Variants in ATG2A observed in about 807,000 individuals in gnomAD.
The protein encoded by ATG2A is autophagy-related protein 2 homolog A.
ATG2A carries 103 observed loss-of-function variants against 214.2 expected under a neutral mutation model. The observed-to-expected ratio is 0.48, with a 90% CI of 0.41 to 0.57. The LOEUF is 0.57. Ranked by LOEUF, ATG2A falls within the 20% of genes least tolerant of loss-of-function variation. The pLI, the probability that ATG2A is intolerant of heterozygous loss-of-function variation, is 0.00. For synonymous variants in ATG2A, 1,160 were observed against 1,142.1 expected (o/e 1.02, Z -0.32); for missense variants, 2,312 against 2,613.2 (o/e 0.88, Z 2.51).
In ATG2A at chr11:64,894,631, T is replaced by G. The variant is rs748196442; in HGVS notation, c.*342A>C. ...AAAATAATACATCGAACCACACGGA[T>G]ATCATCCCCTCCTCCCCCCAGACAC... On this transcript the variant is annotated 3_prime_UTR_variant, in exon 41 of 41. Transcript: ENST00000377264. 15 of 595,672 alleles carry G rather than the reference T, an allele frequency of 2.5e-5. No individual in the cohort carries two copies. In the East Asian group the frequency reaches 5.5e-4, roughly 22 times the overall value. 36.9% of individuals were successfully genotyped at this position (595,672 alleles called of 1,614,324 possible).
At position 64,898,123 on chromosome 11, in the gene ATG2A, G is replaced by A. The variant is rs774489729; in HGVS notation, c.4821C>T (p.Gly1607=). The part of the protein sequence containing the change: ...LKDFFTSLVA[G]INPVVPGETS... ...TCTCCCCTGGGACCACGGGGTTGAT[G>A]CCGGCCACCAGACTAGTGAAGAAGT... is the stretch of plus-strand genomic sequence containing the variant. The change falls in exon 34 of 41, where the codon GGC becomes GGT. Residue 1607 remains glycine, a synonymous_variant. Coordinates refer to ENST00000377264, the MANE Select transcript of ATG2A (RefSeq NM_015104.3). This position sits in a 1 kb window ranked among gnomAD's most constrained non-coding sequence, Gnocchi z 4.5. 2 of 1,614,112 alleles carry A rather than the reference G, an allele frequency of 1.2e-6. No homozygotes were observed. The highest frequency in any genetic ancestry group is 1.7e-6 in the Non-Finnish European group (2 of 1,180,012).
Position 64,903,264 on chromosome 11 carries a change from A to C in ATG2A, c.3612+24T>G, listed in dbSNP as rs375083930. The C allele has an allele frequency of 6.2e-7, 1 of 1,610,532 alleles. No homozygotes were observed. ...CCCCTGCACCTGCTGTGGCTCCAGG[A>C]GCCAGAGTGACAGCCTCACTCACCA... On this transcript the variant is annotated intron_variant, in intron 26 of 40. Coordinates refer to ENST00000377264, the MANE Select transcript of ATG2A (RefSeq NM_015104.3). This position sits in a 1 kb window ranked among gnomAD's most constrained non-coding sequence, Gnocchi z 4.2.
At chr11:64,909,222 C>A (rs778490023) in intron 15 of ATG2A, 49 bp downstream of exon 15, 35 of 1,610,932 alleles carry the variant, frequency 2.2e-5, no homozygotes, top group Non-Finnish European at 2.9e-5. Flanking sequence ...CCCCTGCCAC[C>A]CCCAGCAGAA....
At position 64,913,221 on chromosome 11, in the gene ATG2A, T is replaced by A. The variant is rs1944844657; in HGVS notation, c.726+45A>T. ...AAAGGATGGGAGGGGCTCAATGGGC[T>A]CAAGGGAGAGGAGACAGGGGCTGTG... On this transcript the variant is annotated intron_variant, in intron 5 of 40. Transcript: ENST00000377264. The surrounding 1 kb of genome is among the most constrained non-coding windows in gnomAD (Gnocchi z 4.3). 11 of 1,611,976 alleles carry A rather than the reference T, an allele frequency of 6.8e-6. No homozygotes were observed. The highest frequency in any genetic ancestry group is 9.3e-6 in the Non-Finnish European group (11 of 1,179,686).
rs746237202 is a variant in ATG2A at position 64,894,891 on chromosome 11, C to G, written c.*82G>C. The G allele has an allele frequency of 6.5e-7, 1 of 1,535,132 alleles. No homozygotes were observed. Among genetic ancestry groups the G allele is most frequent in the Non-Finnish European group, 8.9e-7 (1 of 1,118,184 alleles). On this transcript the variant is annotated 3_prime_UTR_variant, in exon 41 of 41. Coordinates refer to ENST00000377264, the MANE Select transcript of ATG2A (RefSeq NM_015104.3). Reference sequence around the variant, plus strand: ...GTGGCCATCCCCTGAAGGGCCAGGCCGGGCCGGGCCCGTGGGCTGCAGCTC... The same window carrying G: ...GTGGCCATCCCCTGAAGGGCCAGGCGGGGCCGGGCCCGTGGGCTGCAGCTC...
In ATG2A at chr11:64,914,511, G is replaced by A; in HGVS notation, c.172-11C>T. On this transcript the variant is annotated splice_polypyrimidine_tract_variant and intron_variant, in intron 1 of 40. Transcript: ENST00000377264. ...CACCTCGTTCACAGACTGGGAGCAA[G>A]CAAGAGACAAAACCAGCTCAGGGAA... 1 of 1,610,698 alleles carries A rather than the reference G, an allele frequency of 6.2e-7. No individual in the cohort carries two copies.
At position 64,903,477 on chromosome 11, in the gene ATG2A, G is replaced by A. The variant is rs529217297; in HGVS notation, c.3535+113C>T. 1.8e-5 allele frequency: 26 copies of A among 1,482,868 alleles called. No individual in the cohort carries two copies. The African/African-American group carries it at 3.1e-4, about 17-fold the overall frequency. The allele number at this position is 1,482,868 out of a possible 1,614,324, so 91.9% of individuals were successfully genotyped here. On this transcript the variant is annotated intron_variant, in intron 25 of 40. Transcript: ENST00000377264. This position sits in a 1 kb window ranked among gnomAD's most constrained non-coding sequence, Gnocchi z 4.2. ...GTGTAGTCCCTGCTGTGCGGGCTAC[G>A]TGTGGGAGCTAAGGACCCGGCCAGC...
intron 24 of ATG2A, 42 bp downstream of exon 24, chr11:64,905,516 TCGGCC>T (rs1555184908): frequency 6.4e-7 from 1 of 1,556,696 alleles, no homozygotes; most frequent in Non-Finnish European, 8.7e-7. Context: ...GCAGGCAGCT[TCGGCC>T]CGGCGAGGGT....
Position 64,896,859 on chromosome 11 carries a change from C to T in ATG2A, c.5161G>A (p.Val1721Met), listed in dbSNP as rs754279269. 16 of 1,613,696 alleles carry T rather than the reference C, an allele frequency of 9.9e-6. No individual in the cohort carries two copies. In the African/African-American group the frequency reaches 1.7e-4, roughly 17 times the overall value. ...RLCCRHGLLG[V>M]DKVLGYALNE... ...AGGGCATAGCCCAGCACCTTGTCCA[C>T]ACCCAGGAGCCTGGCAGGGCAGGGA... Residue 1721 changes from valine to methionine, a missense_variant, in exon 38 of 41, where the codon GTG (valine) becomes ATG (methionine). Val to Met is a conservative substitution (Grantham distance 21). Coordinates refer to ENST00000377264, the MANE Select transcript of ATG2A (RefSeq NM_015104.3).
rs747340204 is a variant in ATG2A, at chr11:64,906,773, C to G, written c.2875G>C (p.Val959Leu). The part of the protein sequence containing the change: ...KRLEAVHGEL[V>L]LDMEHGTLFS... ...AGGGTACCGTGCTCCATGTCCAGCA[C>G]CAGCTCCCCGTGCACAGCCTCCAGC... The change falls in exon 20 of 41, where the codon GTG (valine) becomes CTG (leucine). Residue 959 changes from valine to leucine, a missense_variant. Transcript: ENST00000377264. The G allele has an allele frequency of 5.6e-6, 9 of 1,613,308 alleles. No homozygotes were observed. In the Admixed American group the frequency reaches 1.5e-4, roughly 27 times the overall value.
intron 37 of ATG2A, 65 bp from the exon 38 acceptor site, chr11:64,896,934 G>C: frequency 6.3e-7 from 1 of 1,590,632 alleles, no homozygotes; most frequent in Non-Finnish European, 8.6e-7. Flanking sequence ...GGATTGTGGG[G>C]TCAGGAGGAC....
intron 9 of ATG2A, 48 bp from the exon 10 acceptor site, chr11:64,911,323 C>T (rs375297330): frequency 2.3e-5 from 36 of 1,580,404 alleles, no homozygotes; most frequent in Middle Eastern, 1.7e-4. Context: ...ATTCCGGGTA[C>T]CCCAGGTGGA....
At chr11:64,912,766 T>C (rs528559169) in intron 6 of ATG2A, 61 of 449,476 alleles carry the variant, frequency 1.4e-4, no homozygotes, top group African/African-American at 1.2e-3. Context: ...GCTAATTTTG[T>C]ATTTTTAGTA....
rs781169015 is a variant in ATG2A at position 64,907,454 on chromosome 11, G to C, written c.2648-15C>G. 1 of 1,604,876 alleles carries C rather than the reference G, an allele frequency of 6.2e-7. No individual in the cohort carries two copies. On this transcript the variant is annotated splice_polypyrimidine_tract_variant and intron_variant, in intron 18 of 40. Transcript: ENST00000377264. ...AAAGCAGTTGGCTGGGAAGGAGACC[G>C]CGAAGGGCTAGCCTGGCCCTTCCCA...
intron 30 of ATG2A, 74 bp downstream of exon 30, chr11:64,900,810 C>T: frequency 1.3e-6 from 2 of 1,484,370 alleles, no homozygotes; most frequent in Non-Finnish European, 1.8e-6. Context: ...AGGTCTCCAG[C>T]TGCTGAAAGT....
intron 6 of ATG2A, 37 bp from the exon 7 acceptor site, chr11:64,912,460 A>G (rs1944812761): frequency 6.6e-7 from 1 of 1,509,760 alleles, no homozygotes; most frequent in Non-Finnish European, 8.9e-7. Flanking sequence ...GCCTAGGCCC[A>G]CCACCCAGCT....
Position 64,913,925 on chromosome 11 carries a change from T to C in ATG2A, c.488-2A>G. The C allele has an allele frequency of 6.2e-7, 1 of 1,613,558 alleles. No individual in the cohort carries two copies. The highest frequency in any genetic ancestry group is 8.5e-7 in the Non-Finnish European group (1 of 1,179,726). ...AGGTCACTTTGATCCTCCGAAGCAC[T>C]GAGGAGTTGGGGAGGGGTCTCAGGT... On this transcript the variant is annotated splice_acceptor_variant, in intron 3 of 40. Transcript: ENST00000377264. LOFTEE classifies it high-confidence loss of function. This position sits in a 1 kb window ranked among gnomAD's most constrained non-coding sequence, Gnocchi z 4.3.
chr11:64,895,034 A>G lies in ATG2A; in HGVS notation c.5756T>C (p.Ile1919Thr), dbSNP rs1163330004. Reference sequence around the variant, plus strand: ...GTGGTCCTTGTGGGCGTCGGGGACAATCTGGTTGCGCATGCCCCCGAGCAG... The same window carrying G: ...GTGGTCCTTGTGGGCGTCGGGGACAGTCTGGTTGCGCATGCCCCCGAGCAG... ...SSLLGGMRNQIVPDAHKDHAL... is the reference protein window; with the variant it reads ...SSLLGGMRNQTVPDAHKDHAL... Residue 1919 changes from isoleucine (I) to threonine (T), a missense_variant, in exon 41 of 41, where the codon ATT becomes ACT. Ile to Thr is a moderately conservative substitution (Grantham distance 89, BLOSUM62 -1). Transcript: ENST00000377264. The surrounding 1 kb of genome is among the most constrained non-coding windows in gnomAD (Gnocchi z 5.0). 9 of 1,613,380 alleles carry G rather than the reference A, an allele frequency of 5.6e-6. No individual in the cohort carries two copies. The highest frequency in any genetic ancestry group is 7.6e-6 in the Non-Finnish European group (9 of 1,179,668).
Position 64,911,905 on chromosome 11 carries a change from G to C in ATG2A, c.1165C>G (p.Leu389Val). 2 of 1,613,660 alleles carry C rather than the reference G, an allele frequency of 1.2e-6. No individual in the cohort carries two copies. The highest frequency in any genetic ancestry group is 8.5e-7 in the Non-Finnish European group (1 of 1,179,854). The part of the protein sequence containing the change: ...LSELSLSDVD[L>V]ASSVRSDMAS... The stretch of plus-strand genomic sequence containing the variant: ...ATGTCGCTGCGCACAGAGGAGGCCA[G>C]GTCTACATCGGAGAGGGAGAGCTCA... Residue 389 changes from leucine to valine, a missense_variant, in exon 9 of 41, where the codon CTG becomes GTG. Physicochemically the swap from Leu to Val is conservative, Grantham distance 32. Coordinates refer to ENST00000377264, the MANE Select transcript of ATG2A (RefSeq NM_015104.3).
Sources: allele counts gnomAD v4.1 joint callset, GRCh38; gene constraint gnomAD v4.1.1; non-coding constraint Gnocchi (gnomAD v3.1); transcripts MANE v1.5; gene names NCBI Gene and HGNC (gene_info 2026-07-23, HGNC 2026-07-21).